The following SLC25A31 variants were observed in gnomAD, a reference collection of about 807,000 sequenced individuals.
SLC25A31 encodes ADP/ATP translocase 4.
Under a neutral mutation model 36.2 loss-of-function variants are expected in SLC25A31, and 40 were observed. The observed-to-expected ratio is 1.10, with a 90% CI of 0.86 to 1.44. The LOEUF (loss-of-function observed/expected upper bound fraction) is 1.44, where lower values mean the gene tolerates loss of function less well. SLC25A31 is among the 40% of genes most tolerant of loss of function. The pLI is 0.00. For synonymous variants in SLC25A31, 143 were observed against 149.7 expected, an observed-to-expected ratio of 0.96 and a Z score of 0.32; for missense variants, 350 against 397.1, an observed-to-expected ratio of 0.88 and a Z score of 1.01.
chr4:127,745,303 G>T (rs1731804606), intron 2 of SLC25A31, among the ~76,000 whole-genome samples: 1 of 88,090 alleles, frequency 1.1e-5, no homozygotes, highest in African/African-American at 5.0e-5. Context: ...TTATTGCAAG[G>T]ATACTTTTTT....
intron 2 of SLC25A31, among the ~76,000 whole-genome samples, chr4:127,752,698 T>A (rs1731958623): frequency 6.6e-6 from 1 of 152,016 alleles, no homozygotes; most frequent in East Asian, 1.9e-4. Context: ...GATAAAGGGG[T>A]CAGTTCATCA....
At chr4:127,764,492 A>G in intron 3 of SLC25A31, 132 bp downstream of exon 3, 1 of 666,960 alleles carries the variant, frequency 1.5e-6, no homozygotes, top group South Asian at 2.3e-5. Flanking sequence ...CAAATGGTGG[A>G]GTCATAGGGC....
intron 2 of SLC25A31, among the ~76,000 whole-genome samples, chr4:127,758,351 AATTT>A (rs1182479390): frequency 2.0e-5 from 3 of 152,162 alleles, no homozygotes; most frequent in Non-Finnish European, 2.9e-5. Flanking sequence ...TTTTCTGGTC[AATTT>A]ATTTAAGTTC....
In SLC25A31 at chr4:127,764,117, T is replaced by C. The variant is rs901320825; in HGVS notation, c.361-126T>C. ...ATAGCATGGTATGCATTATTATAGA[T>C]GTTTACTTTATAAAAGTGGCTTATA... On this transcript the variant is annotated intron_variant, in intron 2 of 5. Transcript: ENST00000281154. The C allele has an allele frequency of 1.4e-5, 10 of 728,110 alleles. No individual in the cohort carries two copies. The African/African-American group carries it at 1.6e-4, about 12-fold the overall frequency. The allele number at this position is 728,110 out of a possible 1,614,324, so 45.1% of individuals were successfully genotyped here. A position where few individuals can be genotyped will look rare whatever the true frequency, so the allele number is the denominator to read the frequency against.
intron 2 of SLC25A31, among the ~76,000 whole-genome samples, chr4:127,755,724 T>C (rs1389323672): frequency 6.6e-6 from 1 of 152,108 alleles, no homozygotes; most frequent in Non-Finnish European, 1.5e-5. Context: ...GAAAATAATA[T>C]AGAAGTACCT....
chr4:127,770,487 G>C (rs560327077), intron 5 of SLC25A31, among the ~76,000 whole-genome samples: 1 of 151,910 alleles, frequency 6.6e-6, no homozygotes, highest in African/African-American at 2.4e-5. Context: ...TTAGCCAGGC[G>C]TGGTGGCGGG....
chr4:127,753,014 A>G (rs1731965607), intron 2 of SLC25A31, among the ~76,000 whole-genome samples: 1 of 152,218 alleles, frequency 6.6e-6, no homozygotes, highest in Non-Finnish European at 1.5e-5. Context: ...ATCTTTTCTG[A>G]CCATAGTGGA....
intron 1 of SLC25A31, among the ~76,000 whole-genome samples, chr4:127,743,384 A>G (rs976280829): frequency 2.0e-5 from 3 of 151,916 alleles, no homozygotes; most frequent in African/African-American, 7.3e-5. Context: ...AGTCCTCCCA[A>G]TTTGGCTTCC....
At chr4:127,762,944 T>C (rs1732171091) in intron 2 of SLC25A31, among the ~76,000 whole-genome samples, 1 of 151,254 alleles carries the variant, frequency 6.6e-6, no homozygotes, top group Non-Finnish European at 1.5e-5. Flanking sequence ...AAAAGAAATT[T>C]ATAGTCTGTA....
At chr4:127,736,219 A>C (rs935627839) in intron 1 of SLC25A31, among the ~76,000 whole-genome samples, 1 of 152,204 alleles carries the variant, frequency 6.6e-6, no homozygotes, top group Admixed American at 6.5e-5. Context: ...TAAATGGCCC[A>C]GTAACTTTTT....
At chr4:127,739,667 C>T (rs1462441039) in intron 1 of SLC25A31, among the ~76,000 whole-genome samples, 1 of 152,062 alleles carries the variant, frequency 6.6e-6, no homozygotes, top group Middle Eastern at 3.2e-3. Flanking sequence ...ATTATTTCCT[C>T]AAATATGTTT....
intron 2 of SLC25A31, among the ~76,000 whole-genome samples, chr4:127,762,819 G>A (rs1732167297): frequency 6.6e-6 from 1 of 151,954 alleles, no homozygotes; most frequent in South Asian, 2.1e-4. Context: ...AGCTACTCAG[G>A]AGGCTGAGGC....
At chr4:127,749,155 C>A (rs1415240067) in intron 2 of SLC25A31, among the ~76,000 whole-genome samples, 1 of 151,172 alleles carries the variant, frequency 6.6e-6, no homozygotes, top group Non-Finnish European at 1.5e-5. Context: ...CAGTAGAGAG[C>A]TTTAACAGCT....
At chr4:127,766,390 A>C (rs1732245062) in intron 3 of SLC25A31, among the ~76,000 whole-genome samples, 4 of 150,466 alleles carry the variant, frequency 2.7e-5, no homozygotes, top group Admixed American at 2.7e-4. Context: ...CTGGTCTTGA[A>C]CTCCTGACCT....
chr4:127,756,883 C>T (rs1202104720), intron 2 of SLC25A31, among the ~76,000 whole-genome samples: 1 of 152,110 alleles, frequency 6.6e-6, no homozygotes, highest in Non-Finnish European at 1.5e-5. Flanking sequence ...ATGGCACTGC[C>T]ACTGTGGAAA....
chr4:127,768,684 C>G, intron 4 of SLC25A31, 68 bp from the exon 5 acceptor site: 2 of 1,319,924 alleles, frequency 1.5e-6, no homozygotes, highest in Non-Finnish European at 2.0e-6. Flanking sequence ...TAAAAATTAT[C>G]CTTTAACTTA....
At chr4:127,756,011 C>T (rs924574252) in intron 2 of SLC25A31, among the ~76,000 whole-genome samples, 4 of 149,562 alleles carry the variant, frequency 2.7e-5, no homozygotes, top group South Asian at 2.1e-4. Flanking sequence ...CCAGCCTGGG[C>T]GGCAAAGCAA....
rs1372785623 is a variant in SLC25A31 at position 127,770,128 on chromosome 4, G to A, written c.759+1251G>A. ...AAACTAACCCGTTACTTCACTTAGG[G>A]ATAATACTTAGAGTTATTCCATTTA... On this transcript the variant is annotated intron_variant, in intron 5 of 5. Coordinates refer to ENST00000281154, the MANE Select transcript of SLC25A31 (RefSeq NM_031291.4). Among the ~76,000 whole-genome samples the A allele has an allele frequency of 2.0e-5, 3 of 152,128 alleles. No individual in the cohort carries two copies. In the East Asian group the frequency reaches 5.8e-4, roughly 29 times the overall value.
In SLC25A31 at chr4:127,773,498, G is replaced by A. The variant is rs1239574539; in HGVS notation, c.872G>A (p.Gly291Asp). Residue 291 changes from glycine (G) to aspartate (D), a missense_variant, in exon 6 of 6, where the codon GGT (glycine) becomes GAT (aspartate). Gly to Asp is a moderately conservative substitution (Grantham distance 94). Transcript: ENST00000281154. ...FRGAFSNVLR[G>D]TGGALVLVLY... Reference sequence around the variant, plus strand: ...GGCGCCTTCTCCAATGTTCTTCGCGGTACAGGGGGTGCTTTGGTGTTGGTA... The same window carrying A: ...GGCGCCTTCTCCAATGTTCTTCGCGATACAGGGGGTGCTTTGGTGTTGGTA... 6 of 1,613,830 alleles carry A rather than the reference G, an allele frequency of 3.7e-6. No individual in the cohort carries two copies. In the Middle Eastern group the frequency reaches 4.9e-4, roughly 133 times the overall value.
Sources: gnomAD v4.1 joint callset for allele counts (sites outside exome capture counted in the v4.1 genomes callset) on GRCh38, gnomAD v4.1.1 for gene constraint, MANE v1.5 for transcripts, NCBI Gene and HGNC (gene_info 2026-07-23, HGNC 2026-07-21) for gene names.